The following INPP4A variants were observed in gnomAD, a reference collection of about 807,000 sequenced individuals.
INPP4A encodes the protein inositol polyphosphate-4-phosphatase type I A.
INPP4A carries 33 observed loss-of-function variants against 119.8 expected under a neutral mutation model. That is an observed-to-expected ratio of 0.28 (90% CI 0.21 to 0.37). INPP4A has a LOEUF of 0.37. Among genes scored for constraint, INPP4A ranks in the 10% least tolerant of loss-of-function variants. The probability of loss-of-function intolerance (pLI) is 1.00; values close to 1 mark genes in which losing one functional copy is unlikely to be tolerated. For missense variants in INPP4A, 956 were observed against 1,289.9 expected (o/e 0.74, Z 3.97); for synonymous variants, 496 against 500.7 (o/e 0.99, Z 0.12).
At chr2:98,483,806 A>G (rs1678984323) in intron 1 of INPP4A, among the ~76,000 whole-genome samples, 1 of 152,006 alleles carries the variant, frequency 6.6e-6, no homozygotes, top group Non-Finnish European at 1.5e-5. Context: ...CTGTGTGGCT[A>G]GCCAAGGTTG....
At chr2:98,535,917 A>G in intron 6 of INPP4A, 72 bp downstream of exon 6, 1 of 797,548 alleles carries the variant, frequency 1.3e-6, no homozygotes, top group Non-Finnish European at 2.1e-6. Context: ...TGAATGAGAG[A>G]TGAACACAGA....
chr2:98,525,160 A>G (rs1687953655), intron 4 of INPP4A, among the ~76,000 whole-genome samples: 1 of 152,050 alleles, frequency 6.6e-6, no homozygotes, highest in Non-Finnish European at 1.5e-5. Context: ...TTTTTTTGCT[A>G]GCTATCAGTT....
In INPP4A at chr2:98,480,676, C is replaced by T. The variant is rs116996910; in HGVS notation, c.-166+35591C>T. On this transcript the variant is annotated intron_variant, in intron 1 of 24. Coordinates refer to ENST00000409851, the MANE Select transcript of INPP4A (RefSeq NM_001134225.2). ...ATGACTGAGGTGGCCAGCTAGCTCCCGTGCATTTGCACACATGGTCCCTCA... is the reference window on the plus strand; with the variant it reads ...ATGACTGAGGTGGCCAGCTAGCTCCTGTGCATTTGCACACATGGTCCCTCA... Among the ~76,000 whole-genome samples, 107 of 152,318 alleles carry T rather than the reference C, an allele frequency of 7.0e-4. 2 individuals are homozygous for T. The East Asian group carries it at 0.01, about 15-fold the overall frequency.
rs765776316 is a variant in INPP4A, at chr2:98,568,836, C to T, written c.2518+168C>T. 338 of 586,294 alleles carry T rather than the reference C, an allele frequency of 5.8e-4. 1 individual carries two copies. The highest frequency in any genetic ancestry group is 8.3e-4 in the Non-Finnish European group (268 of 323,372). The allele number at this position is 586,294 out of a possible 1,614,324, so 36.3% of individuals were successfully genotyped here. A position where few individuals can be genotyped will look rare whatever the true frequency, so the allele number is the denominator to read the frequency against. Reference sequence around the variant, plus strand: ...CGCAGAGAGAGAGAGAGAAGCTTCCCTTGGCTGTGGCCCTCATTCATCTCT... The same window carrying T: ...CGCAGAGAGAGAGAGAGAAGCTTCCTTTGGCTGTGGCCCTCATTCATCTCT... On this transcript the variant is annotated intron_variant, in intron 22 of 24. Coordinates refer to ENST00000409851, the MANE Select transcript of INPP4A (RefSeq NM_001134225.2).
chr2:98,483,942 C>CGCAA (rs1034367713), intron 1 of INPP4A, among the ~76,000 whole-genome samples: 1 of 152,188 alleles, frequency 6.6e-6, no homozygotes, highest in African/African-American at 2.4e-5. Flanking sequence ...CCCATCCCTC[C>CGCAA]TTGCAGATGC....
chr2:98,502,341 T>C (rs1236965526), intron 1 of INPP4A, among the ~76,000 whole-genome samples: 1 of 152,242 alleles, frequency 6.6e-6, no homozygotes, highest in Non-Finnish European at 1.5e-5. Context: ...TTTTAGTTTT[T>C]CTATAGGTTT....
rs373657872 is a variant in INPP4A at position 98,510,753 on chromosome 2, C to T, written c.-165-8211C>T. On this transcript the variant is annotated intron_variant, in intron 1 of 24. Coordinates refer to ENST00000409851, the MANE Select transcript of INPP4A (RefSeq NM_001134225.2). ...TGGGGGACACATTCAGACTGTAGCACAGTGACTGACTCCCTCCATTGGAGT... is the reference window on the plus strand; with the variant it reads ...TGGGGGACACATTCAGACTGTAGCATAGTGACTGACTCCCTCCATTGGAGT... Among the ~76,000 whole-genome samples, 8 of 152,286 alleles carry T rather than the reference C, an allele frequency of 5.3e-5. No individual in the cohort carries two copies. The East Asian group carries it at 9.6e-4, about 18-fold the overall frequency.
intron 1 of INPP4A, among the ~76,000 whole-genome samples, chr2:98,446,218 C>A (rs77835375): frequency 1.3e-5 from 2 of 152,214 alleles, no homozygotes; most frequent in African/African-American, 4.8e-5. Flanking sequence ...GGCCAGTGCA[C>A]GTAGAATTGC....
chr2:98,562,825 C>G (rs1695731370), intron 17 of INPP4A, among the ~76,000 whole-genome samples: 1 of 134,774 alleles, frequency 7.4e-6, no homozygotes, highest in African/African-American at 2.9e-5. Flanking sequence ...TAAAAGAAAA[C>G]TAAGCTAGAA....
At chr2:98,509,925 TA>T (rs1259241408) in intron 1 of INPP4A, among the ~76,000 whole-genome samples, 1 of 152,038 alleles carries the variant, frequency 6.6e-6, no homozygotes, top group Admixed American at 6.5e-5. Flanking sequence ...AAGAAGGACA[TA>T]AAAGAAGTGA....
chr2:98,480,319 A>G (rs1678146708), intron 1 of INPP4A, among the ~76,000 whole-genome samples: 1 of 152,212 alleles, frequency 6.6e-6, no homozygotes. Flanking sequence ...ATGTCTGTCT[A>G]GGATCAGTTT....
At chr2:98,580,678 G>A (rs1158488893) in intron 24 of INPP4A, among the ~76,000 whole-genome samples, 1 of 152,242 alleles carries the variant, frequency 6.6e-6, no homozygotes, top group South Asian at 2.1e-4. Context: ...TGGGAGAGCT[G>A]GGGAGGGCTC....
intron 21 of INPP4A, among the ~76,000 whole-genome samples, chr2:98,568,041 T>C (rs1696787513): frequency 6.6e-6 from 1 of 152,228 alleles, no homozygotes; most frequent in African/African-American, 2.4e-5. Context: ...TCTTAGGCAT[T>C]TGGCACATGC....
intron 1 of INPP4A, among the ~76,000 whole-genome samples, chr2:98,493,976 G>T (rs1236455527): frequency 6.6e-6 from 1 of 152,174 alleles, no homozygotes; most frequent in Non-Finnish European, 1.5e-5. Context: ...TTGGAAATTT[G>T]CCGTATATCC....
At chr2:98,558,166 TGAATTTAG>T (rs1311089779) in intron 16 of INPP4A, among the ~76,000 whole-genome samples, 1 of 152,176 alleles carries the variant, frequency 6.6e-6, no homozygotes, top group African/African-American at 2.4e-5. Context: ...GATTGAAAGA[TGAATTTAG>T]CAAATTGGGT....
At chr2:98,497,903 C>G (rs760985928) in intron 1 of INPP4A, among the ~76,000 whole-genome samples, 2 of 152,154 alleles carry the variant, frequency 1.3e-5, no homozygotes, top group Non-Finnish European at 2.9e-5. Context: ...CCAATTTCTC[C>G]CATTTGGAAT....
At chr2:98,577,513 C>A (rs1341389277) in intron 24 of INPP4A, among the ~76,000 whole-genome samples, 1 of 152,248 alleles carries the variant, frequency 6.6e-6, no homozygotes, top group East Asian at 1.9e-4. Context: ...GCTTTCTCAG[C>A]AGGCATCTGC....
intron 23 of INPP4A, among the ~76,000 whole-genome samples, chr2:98,575,993 G>A (rs1268028728): frequency 1.3e-5 from 2 of 152,228 alleles, no homozygotes; most frequent in African/African-American, 4.8e-5. Context: ...CATCGCATAT[G>A]TGTACCATGG....
At chr2:98,516,354 T>C (rs908008350) in intron 1 of INPP4A, among the ~76,000 whole-genome samples, 1 of 152,144 alleles carries the variant, frequency 6.6e-6, no homozygotes, top group Non-Finnish European at 1.5e-5. Context: ...AGTGTAAAAT[T>C]AGTCTGTAGA....
Sources: allele counts gnomAD v4.1 joint callset (sites outside exome capture counted in the v4.1 genomes callset), GRCh38; gene constraint gnomAD v4.1.1; transcripts MANE v1.5; gene names NCBI Gene and HGNC (gene_info 2026-07-23, HGNC 2026-07-21).